CTNNBL1: variants seen among roughly 807,000 people sequenced by gnomAD.
CTNNBL1 encodes the protein catenin beta like 1.
Under a neutral mutation model 72.7 loss-of-function variants are expected in CTNNBL1, and 31 were observed. The observed-to-expected ratio is 0.43, with a 90% CI of 0.32 to 0.58. The LOEUF is 0.58. Among genes scored for constraint, CTNNBL1 ranks in the 20% least tolerant of loss-of-function variants. The pLI, the probability that CTNNBL1 is intolerant of heterozygous loss-of-function variation, is 0.08. For synonymous variants in CTNNBL1, 240 were observed against 267.3 expected (o/e 0.90, Z 1.00); for missense variants, 534 against 725.1 (o/e 0.74, Z 3.03).
chr20:37,852,002 AC>A (rs888641258), intron 13 of CTNNBL1, among the ~76,000 whole-genome samples: 3 of 152,222 alleles, frequency 2.0e-5, no homozygotes, highest in Admixed American at 6.5e-5. Flanking sequence ...TACATACCCA[AC>A]ACAGGGCATG....
In CTNNBL1 at chr20:37,736,846, A is replaced by G. The variant is rs1223643891; in HGVS notation, c.220-532A>G. Among the ~76,000 whole-genome samples, 3 of 152,162 alleles carry G rather than the reference A, an allele frequency of 2.0e-5. No homozygotes were observed. The East Asian group carries it at 5.8e-4, about 29-fold the overall frequency. On this transcript the variant is annotated intron_variant, in intron 2 of 15. Transcript: ENST00000361383. Reference sequence around the variant, plus strand: ...ATTTTCTGTGTTACAGATAGTGGGCATTGTGTGAGACACCCAATGTGATAT... The same window carrying G: ...ATTTTCTGTGTTACAGATAGTGGGCGTTGTGTGAGACACCCAATGTGATAT...
chr20:37,860,450 C>T (rs2072482416), intron 15 of CTNNBL1, 106 bp downstream of exon 15: 6 of 903,068 alleles, frequency 6.6e-6, no homozygotes, highest in Middle Eastern at 2.3e-4. Context: ...GTTTTCTGCA[C>T]TGAAAGCTTA....
At chr20:37,750,410 T>C (rs937019220) in intron 4 of CTNNBL1, 3 of 152,224 alleles carry the variant, frequency 2.0e-5, no homozygotes, top group African/African-American at 7.2e-5. Context: ...TGCTGCCTTT[T>C]CAAAATAATG....
At chr20:37,824,794 T>A (rs1005626865) in intron 11 of CTNNBL1, among the ~76,000 whole-genome samples, 6 of 152,212 alleles carry the variant, frequency 3.9e-5, no homozygotes, top group African/African-American at 1.2e-4. Flanking sequence ...TGGCTTCTAT[T>A]TTCAAGATTG....
Position 37,708,543 on chromosome 20 carries a change from A to G in CTNNBL1, c.30+14391A>G, listed in dbSNP as rs186015114. Reference sequence around the variant, plus strand: ...AAAGCACAGTATCTGCAAAGGGGGAAAAAAATGAGGTATGCTTGTAGTTCA... The same window carrying G: ...AAAGCACAGTATCTGCAAAGGGGGAGAAAAATGAGGTATGCTTGTAGTTCA... On this transcript the variant is annotated intron_variant, in intron 1 of 15. Transcript: ENST00000361383. 2.0e-5 allele frequency among the ~76,000 whole-genome samples: 3 copies of G among 150,898 alleles called. No individual in the cohort carries two copies. In the East Asian group the frequency reaches 6.0e-4, roughly 30 times the overall value.
chr20:37,842,664 A>C (rs1220380710), intron 13 of CTNNBL1, among the ~76,000 whole-genome samples: 2 of 152,212 alleles, frequency 1.3e-5, no homozygotes, highest in East Asian at 3.8e-4. Flanking sequence ...TGGACAGCAC[A>C]GGCACCCTTG....
At chr20:37,797,537 C>T (rs2073788382) in intron 10 of CTNNBL1, among the ~76,000 whole-genome samples, 1 of 152,074 alleles carries the variant, frequency 6.6e-6, no homozygotes, top group South Asian at 2.1e-4. Context: ...GATTTGATGA[C>T]TCTTTCAAAA....
chr20:37,722,634 T>G (rs1160839663), intron 1 of CTNNBL1, among the ~76,000 whole-genome samples: 1 of 152,210 alleles, frequency 6.6e-6, no homozygotes, highest in Non-Finnish European at 1.5e-5. Flanking sequence ...TTCCTATCCC[T>G]TAGCTTACTA....
chr20:37,729,892 A>T (rs533163695), intron 1 of CTNNBL1, among the ~76,000 whole-genome samples: 2 of 152,326 alleles, frequency 1.3e-5, no homozygotes, highest in Admixed American at 1.3e-4. Flanking sequence ...AGGGTAGAGC[A>T]GTAATGATGA....
intron 5 of CTNNBL1, among the ~76,000 whole-genome samples, chr20:37,759,167 G>A (rs370882219): frequency 4.3e-4 from 65 of 152,298 alleles, no homozygotes; most frequent in African/African-American, 1.4e-3. Context: ...AGAATTCAGG[G>A]CATTTATTTT....
intron 12 of CTNNBL1, among the ~76,000 whole-genome samples, chr20:37,842,081 G>A (rs983472363): frequency 1.3e-5 from 2 of 152,158 alleles, no homozygotes; most frequent in Non-Finnish European, 2.9e-5. Context: ...TTCTAGAAGG[G>A]CTGAGAATGC....
intron 13 of CTNNBL1, 142 bp downstream of exon 13, chr20:37,842,561 C>T: frequency 1.5e-6 from 1 of 663,820 alleles, no homozygotes; most frequent in Non-Finnish European, 2.8e-6. Context: ...TGATGGTCTG[C>T]CAAGTGGTTA....
At position 37,829,295 on chromosome 20, in the gene CTNNBL1, A is replaced by T. The variant is rs185174328; in HGVS notation, c.1214-10807A>T. 1.5e-4 allele frequency among the ~76,000 whole-genome samples: 23 copies of T among 152,320 alleles called. No individual in the cohort carries two copies. The East Asian group carries it at 4.2e-3, about 28-fold the overall frequency. On this transcript the variant is annotated intron_variant, in intron 11 of 15. Transcript: ENST00000361383. ...TTGAATTTTAAAGTGGCCCTGCAAG[A>T]TCTTGCCAAGATATGGGCCTGATGG...
At chr20:37,776,574 C>T (rs1316265113) in intron 7 of CTNNBL1, among the ~76,000 whole-genome samples, 2 of 152,142 alleles carry the variant, frequency 1.3e-5, no homozygotes, top group Non-Finnish European at 2.9e-5. Flanking sequence ...AGACTCGCTC[C>T]TCTCTATGCA....
At chr20:37,855,482 G>A (rs995462005) in intron 13 of CTNNBL1, among the ~76,000 whole-genome samples, 2 of 152,128 alleles carry the variant, frequency 1.3e-5, no homozygotes, top group African/African-American at 4.8e-5. Flanking sequence ...TATCACTGCT[G>A]TCCCAGCACA....
At chr20:37,734,374 A>T (rs1299048746) in intron 2 of CTNNBL1, among the ~76,000 whole-genome samples, 1 of 152,168 alleles carries the variant, frequency 6.6e-6, no homozygotes, top group Non-Finnish European at 1.5e-5. Context: ...TTAGACAAAC[A>T]GTGTGTGTAG....
At chr20:37,758,180 T>G (rs1042191411) in intron 5 of CTNNBL1, among the ~76,000 whole-genome samples, 1 of 152,210 alleles carries the variant, frequency 6.6e-6, no homozygotes, top group African/African-American at 2.4e-5. Flanking sequence ...ATTTTACAGA[T>G]AGGTCATCAG....
intron 11 of CTNNBL1, among the ~76,000 whole-genome samples, chr20:37,813,171 A>G (rs1306930839): frequency 6.6e-6 from 1 of 152,246 alleles, no homozygotes; most frequent in Non-Finnish European, 1.5e-5. Flanking sequence ...TATTTTTACC[A>G]AGTTCCACAG....
chr20:37,850,073 T>G (rs1177573166), intron 13 of CTNNBL1, among the ~76,000 whole-genome samples: 1 of 152,242 alleles, frequency 6.6e-6, no homozygotes, highest in Non-Finnish European at 1.5e-5. Flanking sequence ...CTAATCTTAC[T>G]TACTTTCTCC....
Sources: allele counts gnomAD v4.1 joint callset (sites outside exome capture counted in the v4.1 genomes callset), GRCh38; gene constraint gnomAD v4.1.1; transcripts MANE v1.5; gene names NCBI Gene and HGNC (gene_info 2026-07-23, HGNC 2026-07-21).